The following QTGAL variants were observed in gnomAD, a reference collection of about 807,000 sequenced individuals.
QTGAL encodes the protein BGnT-like protein 1.
At chr17:82,985,923 A>G in the QTGAL span, among the ~76,000 whole-genome samples, 8 of 152,172 alleles carry the variant, frequency 5.3e-5, no homozygotes, top group East Asian at 1.5e-3. Flanking sequence ...CACATCCCAG[A>G]ATCTCTGAAC....
the QTGAL span, among the ~76,000 whole-genome samples, chr17:82,990,626 C>G: frequency 1.3e-5 from 2 of 152,210 alleles, no homozygotes; most frequent in Admixed American, 1.3e-4. Flanking sequence ...CAGTTAGATG[C>G]TAGGAATTTT....
At chr17:82,984,880 G>A in the QTGAL span, among the ~76,000 whole-genome samples, 188 of 152,286 alleles carry the variant, frequency 1.2e-3, no homozygotes, top group Non-Finnish European at 2.4e-3. Context: ...GCAGGAGCAT[G>A]CATCTCAGCC....
chr17:83,013,581 C>T, the QTGAL span, among the ~76,000 whole-genome samples: 85 of 150,972 alleles, frequency 5.6e-4, no homozygotes, highest in African/African-American at 1.9e-3. Context: ...GGGCTCCCAG[C>T]GCCGTGTGGG....
the QTGAL span, chr17:83,005,964 T>TCA: frequency 2.6e-6 from 3 of 1,169,840 alleles, no homozygotes; most frequent in Non-Finnish European, 3.2e-6. This position sits in a 1 kb window ranked among gnomAD's most constrained non-coding sequence, Gnocchi z 5.6. Context: ...GGCAGGTCCT[T>TCA]CAGGGCTCAC....
At chr17:82,980,471 C>T in the QTGAL span, among the ~76,000 whole-genome samples, 1 of 152,236 alleles carries the variant, frequency 6.6e-6, no homozygotes, top group African/African-American at 2.4e-5. Flanking sequence ...GACCCCTTCT[C>T]TTCAACTTCC....
the QTGAL span, among the ~76,000 whole-genome samples, chr17:83,012,917 G>GC: frequency 3.3e-5 from 5 of 151,582 alleles, no homozygotes; most frequent in Non-Finnish European, 5.9e-5. Flanking sequence ...AGATCCCCGG[G>GC]CCCCCCGTCC....
chr17:82,966,898 GACAAA>G, the QTGAL span, among the ~76,000 whole-genome samples: 1 of 152,214 alleles, frequency 6.6e-6, no homozygotes, highest in Admixed American at 6.5e-5. Context: ...TCCAGGCTGG[GACAAA>G]ACATTTGCAA....
the QTGAL span, among the ~76,000 whole-genome samples, chr17:82,994,979 C>T: frequency 6.6e-6 from 1 of 152,164 alleles, no homozygotes. Context: ...CATTTGATAA[C>T]ATTCAACATC....
chr17:82,947,029 G>A, the QTGAL span: 5 of 1,524,292 alleles, frequency 3.3e-6, no homozygotes, highest in Non-Finnish European at 4.5e-6. Context: ...CCTGGCTCTA[G>A]GAGGCCACTG....
At chr17:82,980,679 G>A in the QTGAL span, among the ~76,000 whole-genome samples, 2 of 152,224 alleles carry the variant, frequency 1.3e-5, no homozygotes, top group East Asian at 1.9e-4. Flanking sequence ...TATGGGGGAA[G>A]TGGTGTAGAC....
chr17:83,035,287 C>T, the QTGAL span, among the ~76,000 whole-genome samples: 3 of 151,804 alleles, frequency 2.0e-5, no homozygotes, highest in African/African-American at 7.3e-5. Flanking sequence ...CCAAGCGATT[C>T]TCCTGCCTCA....
At chr17:82,968,771 G>A in the QTGAL span, among the ~76,000 whole-genome samples, 7 of 152,222 alleles carry the variant, frequency 4.6e-5, no homozygotes, top group South Asian at 4.1e-4. Flanking sequence ...AGGCTGAGGC[G>A]GGCGGATCAC....
the QTGAL span, among the ~76,000 whole-genome samples, chr17:82,988,696 A>T: frequency 6.6e-6 from 1 of 152,244 alleles, no homozygotes; most frequent in Non-Finnish European, 1.5e-5. Flanking sequence ...GGCAAAGGAC[A>T]TGAACAGACA....
At chr17:82,961,189 G>A in the QTGAL span, 1 of 1,604,692 alleles carries the variant, frequency 6.2e-7, no homozygotes, top group Non-Finnish European at 8.5e-7. Context: ...GCCCTGCAGG[G>A]CGGGAGAAGC....
the QTGAL span, among the ~76,000 whole-genome samples, chr17:82,976,294 C>T: frequency 2.1e-5 from 2 of 94,546 alleles, 1 homozygote; most frequent in African/African-American, 1.3e-4. Flanking sequence ...GAGCCGGATT[C>T]CATCCTCCCA....
chr17:83,034,951 G>T, the QTGAL span: 2 of 1,156,430 alleles, frequency 1.7e-6, no homozygotes, highest in Non-Finnish European at 2.5e-6. Context: ...TGATTTTCAA[G>T]AACCGCACTA....
chr17:82,945,770 C>T, the QTGAL span: 1 of 152,184 alleles, frequency 6.6e-6, no homozygotes, highest in East Asian at 1.9e-4. Context: ...TGTCTCCAGA[C>T]ACTGCCAAAT....
At chr17:83,031,068 T>A in the QTGAL span, among the ~76,000 whole-genome samples, 1 of 152,184 alleles carries the variant, frequency 6.6e-6, no homozygotes, top group Non-Finnish European at 1.5e-5. Flanking sequence ...AATGAGCTAT[T>A]TAGAGGCTAT....
the QTGAL span, among the ~76,000 whole-genome samples, chr17:82,964,032 G>GGGT: frequency 3.3e-5 from 5 of 151,026 alleles, no homozygotes; most frequent in African/African-American, 4.9e-5. Context: ...TGAGGTCGGG[G>GGGT]GGGTGGATTG....
Sources: gnomAD v4.1 joint callset for allele counts (sites outside exome capture counted in the v4.1 genomes callset) on GRCh38, gnomAD v4.1.1 for gene constraint, Gnocchi (gnomAD v3.1) non-coding constraint, MANE v1.5 for transcripts, NCBI Gene and HGNC (gene_info 2026-07-23, HGNC 2026-07-21) for gene names.